Variants in DNTT observed in about 807,000 individuals in gnomAD.
DNTT encodes the protein nucleosidetriphosphate:DNA deoxynucleotidylexotransferase.
In DNTT, 47 loss-of-function variants were observed where a neutral mutation model predicts 60.9. That is an observed-to-expected ratio of 0.77 (90% CI 0.61 to 0.98). The LOEUF is 0.98. Ranked by LOEUF, DNTT falls within the 50% of genes least tolerant of loss-of-function variation. The pLI is 0.00. For missense variants in DNTT, 665 were observed against 627.5 expected (o/e 1.06, Z -0.64); for synonymous variants, 224 against 221.2 (o/e 1.01, Z -0.11).
At chr10:96,305,301 C>T (rs1185024119) in intron 1 of DNTT, among the ~76,000 whole-genome samples, 1 of 152,114 alleles carries the variant, frequency 6.6e-6, no homozygotes, top group African/African-American at 2.4e-5. Flanking sequence ...CCAGGGATGA[C>T]AGACATCACA....
In DNTT at chr10:96,320,708, T is replaced by C. The variant is rs777925709; in HGVS notation, c.598T>C (p.Ser200Pro). Residue 200 changes from serine (S) to proline (P), a missense_variant, in exon 4 of 11, where the codon TCT (serine) becomes CCT (proline). Physicochemically the swap from Ser to Pro is moderately conservative, Grantham distance 74. Coordinates refer to ENST00000371174, the MANE Select transcript of DNTT (RefSeq NM_004088.4). ...TATGAGAGCAGCTTCTGTATTGAAA[T>C]CTCTGCCATTCACAATCATCAGTAT... Reference protein sequence around the residue: ...TFMRAASVLKSLPFTIISMKD... With the variant: ...TFMRAASVLKPLPFTIISMKD... The C allele has an allele frequency of 6.2e-7, 1 of 1,613,818 alleles. No homozygotes were observed. The highest frequency in any genetic ancestry group is 1.7e-5 in the Admixed American group (1 of 60,010).
chr10:96,336,308 A>G (rs1047056656), intron 10 of DNTT, among the ~76,000 whole-genome samples: 4 of 152,206 alleles, frequency 2.6e-5, no homozygotes, highest in Non-Finnish European at 5.9e-5. Context: ...CCCAGAAATC[A>G]CAAATACTAC....
Position 96,332,524 on chromosome 10 carries a change from C to T in DNTT, c.1287C>T (p.Ala429=). The change falls in exon 9 of 11, where the codon GCC becomes GCT. Residue 429 remains alanine, a synonymous_variant. Coordinates refer to ENST00000371174, the MANE Select transcript of DNTT (RefSeq NM_004088.4). The part of the protein sequence containing the change: ...SSWQEGKTWK[A]IRVDLVLCPY... ...GGCAGGAAGGAAAGACCTGGAAGGCCATCCGTGTGGATTTAGTTCTGTGCC... is the reference window on the plus strand; with the variant it reads ...GGCAGGAAGGAAAGACCTGGAAGGCTATCCGTGTGGATTTAGTTCTGTGCC... 2.5e-6 allele frequency: 4 copies of T among 1,614,174 alleles called. No individual in the cohort carries two copies. The highest frequency in any genetic ancestry group is 1.7e-4 in the Middle Eastern group (1 of 6,060).
At chr10:96,322,203 A>G (rs1259951291) in intron 4 of DNTT, among the ~76,000 whole-genome samples, 1 of 152,230 alleles carries the variant, frequency 6.6e-6, no homozygotes, top group Non-Finnish European at 1.5e-5. Flanking sequence ...AAGGACAATT[A>G]TCCCAACTCT....
intron 9 of DNTT, among the ~76,000 whole-genome samples, chr10:96,334,726 T>C (rs1923707): frequency 0.73 from 111,067 of 152,110 alleles, 44,157 homozygotes; most frequent in East Asian, 0.92. Flanking sequence ...AAAAAATATA[T>C]CATAAATGCA....
chr10:96,311,967 TA>T (rs1055753529), intron 1 of DNTT, among the ~76,000 whole-genome samples: 14 of 152,344 alleles, frequency 9.2e-5, no homozygotes, highest in African/African-American at 1.4e-4. Context: ...TAATTGTCCC[TA>T]AACTGACTCA....
chr10:96,316,496 T>C (rs1435069131), intron 1 of DNTT, among the ~76,000 whole-genome samples: 2 of 152,102 alleles, frequency 1.3e-5, no homozygotes, highest in Non-Finnish European at 2.9e-5. Context: ...CCCCAGAAAA[T>C]AAGATCAAAC....
Position 96,320,780 on chromosome 10 carries a change from A to G in DNTT, c.670A>G (p.Ile224Val). ...IPCLGSKVKG[I>V]IEEIIEDGES... ...CTGCCTGGGGTCCAAGGTGAAGGGT[A>G]TCATAGAGGTAAGGGTGAAATGGGA... The change falls in exon 4 of 11, where the codon ATC becomes GTC. Residue 224 changes from isoleucine (I) to valine (V), a missense_variant. Ile to Val is a conservative substitution (Grantham distance 29). Coordinates refer to ENST00000371174, the MANE Select transcript of DNTT (RefSeq NM_004088.4). 1 of 1,613,634 alleles carries G rather than the reference A, an allele frequency of 6.2e-7. No individual in the cohort carries two copies. Among genetic ancestry groups the G allele is most frequent in the South Asian group, 1.1e-5 (1 of 91,030 alleles).
In DNTT at chr10:96,322,564, G is replaced by T. The variant is rs1015723036; in HGVS notation, c.679-93G>T. ...TGCATGTGATGCATGCACATTTCAT[G>T]AGAAACCAAACTACTAGGTCCATGA... is the stretch of plus-strand genomic sequence containing the variant. On this transcript the variant is annotated intron_variant, in intron 4 of 10. Coordinates refer to ENST00000371174, the MANE Select transcript of DNTT (RefSeq NM_004088.4). 6 of 1,006,292 alleles carry T rather than the reference G, an allele frequency of 6.0e-6. No individual in the cohort carries two copies. The African/African-American group carries it at 6.5e-5, about 11-fold the overall frequency. 62.3% of individuals were successfully genotyped at this position (1,006,292 alleles called of 1,614,324 possible). A position where few individuals can be genotyped will look rare whatever the true frequency, so the allele number is the denominator to read the frequency against.
chr10:96,320,938 G>GTCTCTC (rs57273993), intron 4 of DNTT, 150 bp downstream of exon 4: 2 of 548,994 alleles, frequency 3.6e-6, no homozygotes, highest in Non-Finnish European at 3.2e-6. Context: ...TCTCTCCTCT[G>GTCTCTC]TCTCTCTCTC....
chr10:96,318,495 C>G lies in DNTT; in HGVS notation c.347C>G (p.Pro116Arg), dbSNP rs373780354. 1 of 1,613,392 alleles carries G rather than the reference C, an allele frequency of 6.2e-7. No individual in the cohort carries two copies. Among genetic ancestry groups the G allele is most frequent in the South Asian group, 1.1e-5 (1 of 90,956 alleles). ...ATCGAATGCATAAGAGCAGGGAAAC[C>G]GGTGGAAATGACAGGAAAACACCAG... The part of the protein sequence containing the change: ...WLIECIRAGK[P>R]VEMTGKHQLV... Residue 116 changes from proline to arginine, a missense_variant, in exon 2 of 11, where the codon CCG (proline) becomes CGG (arginine). By Grantham distance (103) the Pro-to-Arg change is moderately radical (BLOSUM62 -2). Transcript: ENST00000371174.
chr10:96,327,122 G>A (rs1324301066), intron 6 of DNTT, among the ~76,000 whole-genome samples: 1 of 152,144 alleles, frequency 6.6e-6, no homozygotes, highest in Non-Finnish European at 1.5e-5. Flanking sequence ...AAATCTTTAT[G>A]CGTTACCTTT....
intron 1 of DNTT, among the ~76,000 whole-genome samples, chr10:96,307,570 G>T (rs1391060524): frequency 1.3e-5 from 2 of 149,556 alleles, no homozygotes; most frequent in African/African-American, 4.9e-5. Flanking sequence ...TGGCCAGGAT[G>T]GTCTCGATCT....
At chr10:96,329,658 G>A (rs2133993691) in intron 8 of DNTT, among the ~76,000 whole-genome samples, 1 of 152,348 alleles carries the variant, frequency 6.6e-6, no homozygotes, top group East Asian at 1.9e-4. Context: ...CCTAGGGCCA[G>A]GGGCACTGGA....
chr10:96,338,033 A>G, intron 10 of DNTT, 105 bp from the exon 11 acceptor site: 1 of 894,042 alleles, frequency 1.1e-6, no homozygotes, highest in Non-Finnish European at 1.7e-6. Context: ...TTTGGGCTGT[A>G]ATTCATTCTG....
chr10:96,322,496 G>A (rs1401605858), intron 4 of DNTT, among the ~76,000 whole-genome samples, 161 bp from the exon 5 acceptor site: 1 of 152,172 alleles, frequency 6.6e-6, no homozygotes, highest in East Asian at 1.9e-4. Context: ...CAAGATTGTA[G>A]GGAAATGTCT....
intron 6 of DNTT, among the ~76,000 whole-genome samples, chr10:96,326,880 C>T (rs1346597420): frequency 2.0e-5 from 3 of 152,188 alleles, no homozygotes; most frequent in Non-Finnish European, 2.9e-5. Context: ...TTCTCCTTTC[C>T]TCTTTCTTTC....
At chr10:96,328,859 C>A in intron 8 of DNTT, 29 bp downstream of exon 8, 1 of 1,596,002 alleles carries the variant, frequency 6.3e-7, no homozygotes, top group South Asian at 1.1e-5. Flanking sequence ...AATACATGCA[C>A]ACGCAAACAT....
intron 1 of DNTT, among the ~76,000 whole-genome samples, chr10:96,313,895 G>A (rs530176957): frequency 7.2e-5 from 11 of 152,260 alleles, no homozygotes; most frequent in East Asian, 1.9e-4. Context: ...GAATTTGGAC[G>A]ATGAGTCCAG....
Sources: gnomAD v4.1 joint callset for allele counts (sites outside exome capture counted in the v4.1 genomes callset) on GRCh38, gnomAD v4.1.1 for gene constraint, MANE v1.5 for transcripts, NCBI Gene and HGNC (gene_info 2026-07-23, HGNC 2026-07-21) for gene names.